Variants in FSTL5 observed in about 807,000 individuals in gnomAD.
The protein encoded by FSTL5 is follistatin-related protein 5.
In FSTL5, 62 loss-of-function variants were observed where a neutral mutation model predicts 89.1. The ratio of observed to expected loss-of-function variants is 0.70; its 90% CI spans 0.57 to 0.86. FSTL5 has a LOEUF of 0.86. Among genes scored for constraint, FSTL5 ranks in the 40% least tolerant of loss-of-function variants. The pLI, the probability that FSTL5 is intolerant of heterozygous loss-of-function variation, is 0.00. For missense variants in FSTL5, 1,057 were observed against 1,001.6 expected, an observed-to-expected ratio of 1.06 and a Z score of -0.75; for synonymous variants, 383 against 346.2, an observed-to-expected ratio of 1.11 and a Z score of -1.18.
At chr4:161,817,013 T>A (rs1016986050) in intron 4 of FSTL5, among the ~76,000 whole-genome samples, 2 of 152,130 alleles carry the variant, frequency 1.3e-5, no homozygotes, top group African/African-American at 4.8e-5. Context: ...AACAAAAAAA[T>A]AATTTTAATT....
chr4:161,485,607 C>T (rs183932199), intron 12 of FSTL5, among the ~76,000 whole-genome samples: 96 of 152,008 alleles, frequency 6.3e-4, no homozygotes, highest in Middle Eastern at 3.4e-3. Flanking sequence ...TATTTGCATA[C>T]GTGAACACGA....
At chr4:161,563,351 C>T (rs777282269) in intron 8 of FSTL5, among the ~76,000 whole-genome samples, 5 of 151,858 alleles carry the variant, frequency 3.3e-5, no homozygotes, top group Admixed American at 2.0e-4. Flanking sequence ...AATTCTATTG[C>T]TATTTTTTTA....
At chr4:161,694,601 C>T (rs1045768465) in intron 6 of FSTL5, among the ~76,000 whole-genome samples, 1 of 151,936 alleles carries the variant, frequency 6.6e-6, no homozygotes, top group African/African-American at 2.4e-5. Flanking sequence ...ATGTTAAAGT[C>T]TTCATCTAAT....
intron 8 of FSTL5, among the ~76,000 whole-genome samples, chr4:161,554,858 G>A (rs1732335349): frequency 6.6e-6 from 1 of 151,722 alleles, no homozygotes; most frequent in East Asian, 2.0e-4. Flanking sequence ...TGTCATTAAA[G>A]CAACTTTCCT....
chr4:161,806,899 GATAGATAGATAC>G (rs1729985222), intron 4 of FSTL5, among the ~76,000 whole-genome samples: 2 of 151,998 alleles, frequency 1.3e-5, no homozygotes, highest in Non-Finnish European at 2.9e-5. Flanking sequence ...TAAATAGACA[GATAGATAGATAC>G]ATAGATAGAT....
chr4:161,583,373 G>A lies in FSTL5; in HGVS notation c.1015+4082C>T, dbSNP rs80296565. 8.2e-3 allele frequency among the ~76,000 whole-genome samples: 1,252 copies of A among 152,242 alleles called. 18 individuals are homozygous for A. Among genetic ancestry groups the A allele is most frequent in the African/African-American group, 0.025 (1,052 of 41,538 alleles). On this transcript the variant is annotated intron_variant, in intron 8 of 15. Coordinates refer to ENST00000306100, the MANE Select transcript of FSTL5 (RefSeq NM_020116.5). ...GCTAATCATAATAGAGGAAGCTTAT[G>A]ATATTGATGACATTATAGATCTGCC... is the stretch of plus-strand genomic sequence containing the variant.
chr4:162,022,979 T>C (rs886649082), intron 3 of FSTL5: 1 of 152,102 alleles, frequency 6.6e-6, no homozygotes, highest in African/African-American at 2.4e-5. Context: ...ATGGGCACAA[T>C]TTACATTATT....
intron 2 of FSTL5, among the ~76,000 whole-genome samples, chr4:162,079,990 C>T (rs993796457): frequency 6.6e-6 from 1 of 151,418 alleles, no homozygotes; most frequent in Non-Finnish European, 1.5e-5. Flanking sequence ...TGTGTACTTG[C>T]CTGAAGGTAC....
At chr4:161,495,323 A>T (rs1730029350) in intron 12 of FSTL5, 1 of 152,164 alleles carries the variant, frequency 6.6e-6, no homozygotes, top group Admixed American at 6.6e-5. Flanking sequence ...GAAGAGTGAC[A>T]AAGTTGGTAA....
At chr4:161,618,061 A>G (rs1310456657) in intron 7 of FSTL5, among the ~76,000 whole-genome samples, 18 of 151,090 alleles carry the variant, frequency 1.2e-4, no homozygotes, top group Non-Finnish European at 2.2e-4. Context: ...TTGGATTCCT[A>G]GGTATTTTAT....
intron 4 of FSTL5, among the ~76,000 whole-genome samples, chr4:161,814,889 C>A (rs541423350): frequency 6.6e-6 from 1 of 152,100 alleles, no homozygotes; most frequent in Admixed American, 6.5e-5. Flanking sequence ...AAGATATAGT[C>A]CTGATTTTTG....
intron 13 of FSTL5, among the ~76,000 whole-genome samples, chr4:161,467,912 T>C (rs1248739660): frequency 6.6e-6 from 1 of 152,084 alleles, no homozygotes; most frequent in Non-Finnish European, 1.5e-5. Flanking sequence ...AAGCTTGAGG[T>C]AGTTATCTAC....
intron 4 of FSTL5, among the ~76,000 whole-genome samples, chr4:161,912,411 G>T (rs779036434): frequency 6.6e-6 from 1 of 152,184 alleles, no homozygotes; most frequent in South Asian, 2.1e-4. Flanking sequence ...GAATCATGGG[G>T]GCCAGTCTTT....
intron 13 of FSTL5, among the ~76,000 whole-genome samples, chr4:161,475,103 A>C (rs1734087080): frequency 6.6e-6 from 1 of 151,250 alleles, no homozygotes; most frequent in Non-Finnish European, 1.5e-5. Flanking sequence ...GTTTCTAGTA[A>C]TAAATCTGAT....
chr4:161,571,194 A>C (rs771860762), intron 8 of FSTL5, among the ~76,000 whole-genome samples: 14 of 152,168 alleles, frequency 9.2e-5, no homozygotes, highest in Non-Finnish European at 1.9e-4. Context: ...GGATTATGTT[A>C]AGGCACAGGT....
intron 4 of FSTL5, among the ~76,000 whole-genome samples, chr4:161,830,366 G>T (rs1165550510): frequency 1.3e-5 from 2 of 151,998 alleles, no homozygotes; most frequent in Non-Finnish European, 2.9e-5. Flanking sequence ...GTAAACATAC[G>T]TATAATTGGA....
At chr4:161,974,420 C>T (rs1735572794) in intron 3 of FSTL5, among the ~76,000 whole-genome samples, 1 of 144,008 alleles carries the variant, frequency 6.9e-6, no homozygotes, top group South Asian at 2.3e-4. Flanking sequence ...ATCAATGGAA[C>T]AGAACAGAGC....
At chr4:161,585,319 T>C (rs1012190992) in intron 8 of FSTL5, among the ~76,000 whole-genome samples, 1 of 152,170 alleles carries the variant, frequency 6.6e-6, no homozygotes, top group Non-Finnish European at 1.5e-5. Context: ...TTGTCACACT[T>C]TACCACGCAT....
At chr4:161,686,661 C>T (rs980102016) in intron 6 of FSTL5, among the ~76,000 whole-genome samples, 2 of 151,732 alleles carry the variant, frequency 1.3e-5, no homozygotes, top group Non-Finnish European at 2.9e-5. Flanking sequence ...AGTTCTTTGT[C>T]CTTTTTTGAT....
Sources: gnomAD v4.1 joint callset for allele counts (sites outside exome capture counted in the v4.1 genomes callset) on GRCh38, gnomAD v4.1.1 for gene constraint, MANE v1.5 for transcripts, NCBI Gene and HGNC (gene_info 2026-07-23, HGNC 2026-07-21) for gene names.